Variants in TSHR observed in about 807,000 individuals in gnomAD.
The protein encoded by TSHR is thyrotropin receptor.
Under a neutral mutation model 64.1 loss-of-function variants are expected in TSHR, and 51 were observed. The observed-to-expected ratio is 0.80, with a 90% CI of 0.64 to 1.01. TSHR has a LOEUF of 1.01. Among genes scored for constraint, TSHR ranks in the 50% least tolerant of loss-of-function variants. The pLI, the probability that TSHR is intolerant of heterozygous loss-of-function variation, is 0.00. For missense variants in TSHR, 877 were observed against 942.8 expected, an observed-to-expected ratio of 0.93 and a Z score of 0.91; for synonymous variants, 361 against 361.9, an observed-to-expected ratio of 1.00 and a Z score of 0.03.
intron 8 of TSHR, among the ~76,000 whole-genome samples, chr14:81,127,857 T>A (rs1198081699): frequency 1.3e-5 from 2 of 152,090 alleles, no homozygotes; most frequent in Non-Finnish European, 2.9e-5. Flanking sequence ...GAACTGTGAG[T>A]CCATTAAACC....
chr14:81,080,507 T>A (rs749208092), intron 3 of TSHR, among the ~76,000 whole-genome samples: 41 of 152,178 alleles, frequency 2.7e-4, no homozygotes, highest in Non-Finnish European at 5.0e-4. Context: ...GAAAATCTGC[T>A]GATAAATTTA....
At chr14:81,107,374 C>G (rs919171633) in intron 7 of TSHR, among the ~76,000 whole-genome samples, 15 of 152,062 alleles carry the variant, frequency 9.9e-5, no homozygotes, top group Admixed American at 2.6e-4. Flanking sequence ...TTAAGTGGAC[C>G]AGGTTATGTT....
intron 8 of TSHR, among the ~76,000 whole-genome samples, chr14:81,114,131 G>GA (rs11454893): frequency 0.83 from 117,957 of 142,600 alleles, 49,672 homozygotes; most frequent in Admixed American, 0.93. Context: ...CCAAGGAAAA[G>GA]AAAAAAAAAA....
At chr14:81,000,257 G>A (rs1189889172) in intron 1 of TSHR, among the ~76,000 whole-genome samples, 1 of 55,098 alleles carries the variant, frequency 1.8e-5, no homozygotes, top group African/African-American at 7.5e-5. Context: ...TAAGACAACT[G>A]ACATTGTAAA....
At chr14:81,085,853 A>T (rs1888247653) in intron 3 of TSHR, among the ~76,000 whole-genome samples, 1 of 152,166 alleles carries the variant, frequency 6.6e-6, no homozygotes, top group African/African-American at 2.4e-5. Flanking sequence ...CTCACCCTGG[A>T]AAGAGAGAAC....
intron 7 of TSHR, chr14:81,104,565 C>T: frequency 5.1e-6 from 5 of 985,418 alleles, no homozygotes; most frequent in Non-Finnish European, 4.8e-6. Flanking sequence ...AACAATCAGG[C>T]TTTCATTCCT....
intron 7 of TSHR, chr14:81,104,809 G>A (rs1889793657): frequency 6.1e-6 from 6 of 985,206 alleles, no homozygotes; most frequent in South Asian, 4.7e-5. Flanking sequence ...ATGGAAATCT[G>A]ACATCTCTTT....
At chr14:81,004,645 T>G (rs541003087) in intron 1 of TSHR, among the ~76,000 whole-genome samples, 16 of 152,238 alleles carry the variant, frequency 1.1e-4, no homozygotes, top group African/African-American at 3.9e-4. Context: ...CTGGGCCCAG[T>G]TTATGTCCCT....
At chr14:81,105,025 G>C in intron 7 of TSHR, 1 of 985,246 alleles carries the variant, frequency 1.0e-6, no homozygotes, top group Non-Finnish European at 1.2e-6. Context: ...CTTACTACAA[G>C]CCTTTTGAGT....
intron 8 of TSHR, among the ~76,000 whole-genome samples, chr14:81,132,956 G>A (rs1891310942): frequency 6.6e-6 from 1 of 152,186 alleles, no homozygotes; most frequent in Non-Finnish European, 1.5e-5. Flanking sequence ...AACTTTGGGT[G>A]AGTGGGAAAA....
In TSHR at chr14:80,999,926, C is replaced by CTTTTTTTTTTTTTTTTT. The variant is rs887541689; in HGVS notation, c.170+44084_170+44085insTTTTTTTTTTTTTTTTT. Among the ~76,000 whole-genome samples the CTTTTTTTTTTTTTTTTT allele has an allele frequency of 2.1e-5, 3 of 142,912 alleles. 1 individual carries two copies. The highest frequency in any genetic ancestry group is 1.5e-4 in the Admixed American group (2 of 13,718). The allele number at this position is 142,912 out of a possible 152,430, so 93.8% of individuals were successfully genotyped here. A position where few individuals can be genotyped will look rare whatever the true frequency, so the allele number is the denominator to read the frequency against. On this transcript the variant is annotated intron_variant, in intron 1 of 9. Coordinates refer to ENST00000298171, the MANE Select transcript of TSHR (RefSeq NM_000369.5). ...TGGGGAAGACTACCAAATTTTTTTT[C>CTTTTTTTTTTTTTTTTT]TTTTTTTTCTTTTTTTTTTTTTTGA...
chr14:81,058,793 A>C (rs2139885650), intron 1 of TSHR, among the ~76,000 whole-genome samples: 1 of 152,332 alleles, frequency 6.6e-6, no homozygotes, highest in Admixed American at 6.5e-5. Context: ...AATTAAAATA[A>C]AATATTTCTA....
chr14:81,102,617 C>T, intron 7 of TSHR: 1 of 209,628 alleles, frequency 4.8e-6, no homozygotes, highest in Non-Finnish European at 8.3e-6. Context: ...GTCTTAGTTG[C>T]ACTACTTAAG....
intron 1 of TSHR, among the ~76,000 whole-genome samples, chr14:81,020,565 C>T (rs149537260): frequency 2.8e-4 from 43 of 152,294 alleles, no homozygotes; most frequent in African/African-American, 3.6e-4. Context: ...ACTGAGGCAG[C>T]GATGCTAGCA....
chr14:81,093,227 G>A (rs946803344), intron 6 of TSHR, among the ~76,000 whole-genome samples: 1 of 152,228 alleles, frequency 6.6e-6, no homozygotes, highest in Non-Finnish European at 1.5e-5. Flanking sequence ...AAAGCATAGT[G>A]CTGCTATAGG....
At chr14:81,108,606 G>C in intron 8 of TSHR, 154 bp downstream of exon 8, 1 of 1,613,040 alleles carries the variant, frequency 6.2e-7, no homozygotes, top group Non-Finnish European at 8.5e-7. Flanking sequence ...TTTCCTGGCT[G>C]TATAGGCTAC....
intron 8 of TSHR, among the ~76,000 whole-genome samples, chr14:81,116,259 C>T (rs796815094): frequency 0.032 from 4,385 of 138,244 alleles, 215 homozygotes; most frequent in East Asian, 0.21. Flanking sequence ...AGTCAAGACC[C>T]ATCAGTGTGC....
intron 1 of TSHR, among the ~76,000 whole-genome samples, chr14:81,002,798 TTTTTTTTTTATCTTTTTTTTTTTTTTC>T: frequency 2.7e-5 from 1 of 36,376 alleles, no homozygotes; most frequent in African/African-American, 5.8e-5. Flanking sequence ...TTTTTTTTTT[TTTTTTTTTTATCTTTTTTTTTTTTTTC>T]TTTTTTTATT....
chr14:81,075,619 A>G (rs1887441322), intron 3 of TSHR, among the ~76,000 whole-genome samples: 1 of 149,276 alleles, frequency 6.7e-6, no homozygotes. Flanking sequence ...AGCATTAGGT[A>G]TATCTCCCAA....
Sources: gnomAD v4.1 joint callset for allele counts (sites outside exome capture counted in the v4.1 genomes callset) on GRCh38, gnomAD v4.1.1 for gene constraint, MANE v1.5 for transcripts, NCBI Gene and HGNC (gene_info 2026-07-23, HGNC 2026-07-21) for gene names.